The following CDC16 variants were observed in gnomAD, a reference collection of about 807,000 sequenced individuals.
The protein encoded by CDC16 is cell division cycle protein 16 homolog.
CDC16 carries 34 observed loss-of-function variants against 87.0 expected under a neutral mutation model. That is an observed-to-expected ratio of 0.39 (90% confidence interval 0.30 to 0.52). The LOEUF (loss-of-function observed/expected upper bound fraction) is 0.52. CDC16 is among the 20% of genes least tolerant of loss of function. The probability of loss-of-function intolerance (pLI) is 0.74; values close to 1 mark genes in which losing one functional copy is unlikely to be tolerated. For missense variants in CDC16, 653 were observed against 751.9 expected (o/e 0.87, Z 1.54); for synonymous variants, 263 against 260.6 (o/e 1.01, Z -0.09).
chr13:114,245,643 T>C (rs1264268946), intron 9 of CDC16: 15 of 197,010 alleles, frequency 7.6e-5, no homozygotes, highest in Non-Finnish European at 1.3e-4. Context: ...ATAGTATCAT[T>C]GATCTGATAA....
intron 17 of CDC16, among the ~76,000 whole-genome samples, chr13:114,267,978 A>G (rs2083348148): frequency 6.6e-6 from 1 of 152,240 alleles, no homozygotes; most frequent in South Asian, 2.1e-4. Flanking sequence ...ACTGAAAACA[A>G]GAAAAAAACT....
At chr13:114,242,328 T>G in intron 6 of CDC16, 48 bp downstream of exon 6, 1 of 1,569,966 alleles carries the variant, frequency 6.4e-7, no homozygotes, top group Non-Finnish European at 8.7e-7. Context: ...AAATTAATAT[T>G]GTTTGGATTT....
chr13:114,265,091 T>G, intron 16 of CDC16, 59 bp from the exon 17 acceptor site: 3 of 1,185,546 alleles, frequency 2.5e-6, no homozygotes, highest in Non-Finnish European at 3.8e-6. Flanking sequence ...AATGAATCAG[T>G]GTGGTAAGAG....
At chr13:114,251,296 C>T (rs1340482895) in intron 12 of CDC16, among the ~76,000 whole-genome samples, 1 of 152,126 alleles carries the variant, frequency 6.6e-6, no homozygotes, top group African/African-American at 2.4e-5. Context: ...CCTGGCTCTT[C>T]CACTCCCAGC....
rs76034041 is a variant in CDC16, at chr13:114,242,418, A to C, written c.541+138A>C. On this transcript the variant is annotated intron_variant, in intron 6 of 17. Coordinates refer to ENST00000356221, the MANE Select transcript of CDC16 (RefSeq NM_001078645.3). ...CCTACTCACTTTCTTAATGTCTTCAAATGTAAAGCACGTTGCAGAATGCAG... is the reference window on the plus strand; with the variant it reads ...CCTACTCACTTTCTTAATGTCTTCACATGTAAAGCACGTTGCAGAATGCAG... 6.4e-4 allele frequency: 475 copies of C among 743,078 alleles called. 1 individual carries two copies. The African/African-American group carries it at 8.0e-3, about 13-fold the overall frequency. 46.0% of individuals were successfully genotyped at this position (743,078 alleles called of 1,614,324 possible).
At chr13:114,242,326 A>G (rs2081592076) in intron 6 of CDC16, 46 bp downstream of exon 6, 1 of 1,571,650 alleles carries the variant, frequency 6.4e-7, no homozygotes, top group Non-Finnish European at 8.7e-7. Context: ...CAAAATTAAT[A>G]TTGTTTGGAT....
chr13:114,246,699 CAG>C (rs1491426924), intron 10 of CDC16, among the ~76,000 whole-genome samples: 11 of 152,160 alleles, frequency 7.2e-5, no homozygotes, highest in South Asian at 6.2e-4. Flanking sequence ...GTTTTTGAAA[CAG>C]GGACTCCTCA....
chr13:114,244,231 T>C (rs1469929754), intron 8 of CDC16, among the ~76,000 whole-genome samples: 1 of 152,254 alleles, frequency 6.6e-6, no homozygotes, highest in Admixed American at 6.5e-5. Context: ...TTACTGATCT[T>C]GATAATTTGC....
At chr13:114,263,266 C>T (rs969022713) in intron 16 of CDC16, among the ~76,000 whole-genome samples, 1 of 152,240 alleles carries the variant, frequency 6.6e-6, no homozygotes, top group African/African-American at 2.4e-5. Context: ...CACCAGTGAT[C>T]TGAGTGCTGA....
chr13:114,252,902 G>A (rs1473572726), intron 12 of CDC16, among the ~76,000 whole-genome samples: 1 of 151,820 alleles, frequency 6.6e-6, no homozygotes, highest in Non-Finnish European at 1.5e-5. Flanking sequence ...GGGAGGCTGA[G>A]GTGGGAGGAT....
At chr13:114,243,451 A>G in intron 7 of CDC16, 103 bp downstream of exon 7, 1 of 636,238 alleles carries the variant, frequency 1.6e-6, no homozygotes, top group Non-Finnish European at 2.8e-6. Context: ...AAACTTTTTA[A>G]ATTTAGCACA....
rs776438537 is a variant in CDC16 at position 114,238,985 on chromosome 13, C to T, written c.202-5C>T. The T allele has an allele frequency of 6.2e-7, 1 of 1,608,822 alleles. No homozygotes were observed. The highest frequency in any genetic ancestry group is 1.1e-5 in the South Asian group (1 of 90,228). ...ACTACTTAAACAAATTAATTTCTTT[C>T]CTAGTTGTATGAAGCATGTCGTTAC... On this transcript the variant is annotated splice_region_variant and splice_polypyrimidine_tract_variant and intron_variant, in intron 3 of 17. Transcript: ENST00000356221.
rs1297618697 is a variant in CDC16, at chr13:114,262,807, G to T, written c.1377-72G>T. The T allele has an allele frequency of 1.1e-5, 17 of 1,497,536 alleles. No homozygotes were observed. In the Admixed American group the frequency reaches 1.3e-4, roughly 12 times the overall value. 92.8% of individuals were successfully genotyped at this position (1,497,536 alleles called of 1,614,324 possible). A position where few individuals can be genotyped will look rare whatever the true frequency, so the allele number is the denominator to read the frequency against. On this transcript the variant is annotated intron_variant, in intron 15 of 17. Coordinates refer to ENST00000356221, the MANE Select transcript of CDC16 (RefSeq NM_001078645.3). ...GACAGCGTTTCTTGGGTGTTGATAT[G>T]GATGGTTGCTCATCTTAGACTTAGG...
At chr13:114,245,268 C>CA (rs2081800994) in intron 9 of CDC16, among the ~76,000 whole-genome samples, 2 of 151,392 alleles carry the variant, frequency 1.3e-5, no homozygotes, top group African/African-American at 4.9e-5. Flanking sequence ...TGCCTCCCCC[C>CA]CCCTTTTTTT....
rs746597326 is a variant in CDC16, at chr13:114,257,053, T to C, written c.1098-25T>C. The stretch of plus-strand genomic sequence containing the variant: ...CTAAATCACAGTTTTTGGTGTTGAA[T>C]ATGTGAAATTTTCCAATTTTTTAGG... On this transcript the variant is annotated intron_variant, in intron 12 of 17. Transcript: ENST00000356221. 3 of 1,480,958 alleles carry C rather than the reference T, an allele frequency of 2.0e-6. No homozygotes were observed. In the Admixed American group the frequency reaches 5.9e-5, roughly 29 times the overall value. 91.7% of individuals were successfully genotyped at this position (1,480,958 alleles called of 1,614,324 possible). A position where few individuals can be genotyped will look rare whatever the true frequency, so the allele number is the denominator to read the frequency against.
intron 1 of CDC16, 54 bp downstream of exon 1, chr13:114,235,186 G>T: frequency 8.6e-7 from 1 of 1,168,736 alleles, no homozygotes; most frequent in Non-Finnish European, 1.1e-6. Context: ...GTCTTTTTCC[G>T]CGCGGCGTGG....
intron 5 of CDC16, among the ~76,000 whole-genome samples, chr13:114,241,386 A>G (rs546699106): frequency 5.9e-4 from 90 of 152,334 alleles, no homozygotes; most frequent in Non-Finnish European, 1.1e-3. Context: ...TCAGCAGGCC[A>G]TTGTGCTGAC....
intron 12 of CDC16, 48 bp downstream of exon 12, chr13:114,250,722 A>G (rs2082126127): frequency 6.3e-7 from 1 of 1,585,850 alleles, no homozygotes; most frequent in South Asian, 1.1e-5. Flanking sequence ...TGTTTTTCCT[A>G]ATAGAAATGA....
rs1566626924 is a variant in CDC16 at position 114,235,244 on chromosome 13, G to GCCCTGGGCCA, written c.48+112_48+113insCCCTGGGCCA. 4 of 710,490 alleles carry GCCCTGGGCCA rather than the reference G, an allele frequency of 5.6e-6. No homozygotes were observed. The African/African-American group carries it at 7.4e-5, about 13-fold the overall frequency. 44.0% of individuals were successfully genotyped at this position (710,490 alleles called of 1,614,324 possible). A position where few individuals can be genotyped will look rare whatever the true frequency, so the allele number is the denominator to read the frequency against. Reference sequence around the variant, plus strand: ...GCTCTTGGTGGGGAAGGACTGGGCCGGCCCTGGGCCTTCATCTGGGGCCAG... The same window carrying GCCCTGGGCCA: ...GCTCTTGGTGGGGAAGGACTGGGCCGCCCTGGGCCAGCCCTGGGCCTTCATCTGGGGCCAG... On this transcript the variant is annotated intron_variant, in intron 1 of 17. Transcript: ENST00000356221.
Sources: gnomAD v4.1 joint callset for allele counts (sites outside exome capture counted in the v4.1 genomes callset) on GRCh38, gnomAD v4.1.1 for gene constraint, MANE v1.5 for transcripts, NCBI Gene and HGNC (gene_info 2026-07-23, HGNC 2026-07-21) for gene names.